Variants in CFAP299 observed in about 807,000 individuals in gnomAD.
CFAP299 encodes cilia- and flagella-associated protein 299.
A neutral mutation model predicts 27.0 loss-of-function variants in CFAP299; 21 were observed. That is an observed-to-expected ratio of 0.78 (90% confidence interval 0.55 to 1.12). The LOEUF is 1.12. Ranked by LOEUF, CFAP299 falls within the 50% of genes most tolerant of loss-of-function variation. The pLI, the probability that CFAP299 is intolerant of heterozygous loss-of-function variation, is 0.00. For synonymous variants in CFAP299, 104 were observed against 98.1 expected (o/e 1.06, Z -0.36); for missense variants, 310 against 276.6 (o/e 1.12, Z -0.86).
chr4:80,408,700 A>G (rs1203536613), intron 2 of CFAP299, among the ~76,000 whole-genome samples: 1 of 152,068 alleles, frequency 6.6e-6, no homozygotes, highest in Non-Finnish European at 1.5e-5. Context: ...GCCCTAAGTT[A>G]TGTACTGCCA....
chr4:80,403,563 T>G (rs1012965474), intron 2 of CFAP299, among the ~76,000 whole-genome samples: 1 of 152,170 alleles, frequency 6.6e-6, no homozygotes, highest in African/African-American at 2.4e-5. Flanking sequence ...GTCTGATCCA[T>G]CAGTGTATGA....
intron 2 of CFAP299, among the ~76,000 whole-genome samples, chr4:80,471,258 C>T (rs903357636): frequency 2.0e-5 from 3 of 151,858 alleles, no homozygotes; most frequent in African/African-American, 7.3e-5. Context: ...ACAGATGTAT[C>T]AGAAAATGAA....
intron 2 of CFAP299, among the ~76,000 whole-genome samples, chr4:80,390,835 ATG>A (rs1399938241): frequency 6.9e-6 from 1 of 145,646 alleles, no homozygotes; most frequent in East Asian, 2.0e-4. Context: ...ATATGTATAT[ATG>A]TATATACACA....
At chr4:80,760,931 A>T (rs1725510781) in intron 3 of CFAP299, among the ~76,000 whole-genome samples, 1 of 152,162 alleles carries the variant, frequency 6.6e-6, no homozygotes, top group Non-Finnish European at 1.5e-5. Flanking sequence ...ACAGAGTGAG[A>T]GACAGCATGT....
intron 3 of CFAP299, among the ~76,000 whole-genome samples, chr4:80,732,062 G>GACAC (rs1354639341): frequency 5.0e-5 from 7 of 139,358 alleles, no homozygotes; most frequent in African/African-American, 2.1e-4. Flanking sequence ...CAGACACACA[G>GACAC]ACACACAGAC....
chr4:80,689,316 G>C (rs1353774838), intron 3 of CFAP299, among the ~76,000 whole-genome samples: 1 of 152,142 alleles, frequency 6.6e-6, no homozygotes, highest in African/African-American at 2.4e-5. Context: ...CCCTCAAAGG[G>C]AAGCCCATCA....
chr4:80,749,898 C>G (rs1426684146), intron 3 of CFAP299, among the ~76,000 whole-genome samples: 2 of 152,218 alleles, frequency 1.3e-5, no homozygotes, highest in Admixed American at 6.6e-5. Context: ...AAGAACAATA[C>G]TTTGTATCCT....
At chr4:80,503,315 G>A (rs1025052460) in intron 2 of CFAP299, among the ~76,000 whole-genome samples, 3 of 152,014 alleles carry the variant, frequency 2.0e-5, no homozygotes, top group Non-Finnish European at 4.4e-5. Context: ...ACTCTGATTT[G>A]TTGTCTTCTA....
intron 2 of CFAP299, among the ~76,000 whole-genome samples, chr4:80,404,751 A>T (rs1726330127): frequency 6.6e-6 from 1 of 152,216 alleles, no homozygotes. Context: ...ACATAGATGT[A>T]CAAATATTTC....
chr4:80,438,351 C>G (rs1237976745), intron 2 of CFAP299, among the ~76,000 whole-genome samples: 1 of 152,180 alleles, frequency 6.6e-6, no homozygotes, highest in African/African-American at 2.4e-5. Context: ...CCTAATGTGT[C>G]TGAGGAATGG....
intron 3 of CFAP299, among the ~76,000 whole-genome samples, chr4:80,692,898 A>G (rs1288548418): frequency 6.6e-6 from 1 of 151,888 alleles, no homozygotes; most frequent in Non-Finnish European, 1.5e-5. Flanking sequence ...ACATGAACAG[A>G]CGCTTCTCAA....
chr4:80,959,057 C>T (rs936411194), intron 5 of CFAP299, among the ~76,000 whole-genome samples: 14 of 152,094 alleles, frequency 9.2e-5, no homozygotes, highest in African/African-American at 2.7e-4. Context: ...AATAATGCAA[C>T]AGACAAGGAA....
chr4:80,626,201 C>T (rs1738893665), intron 3 of CFAP299, among the ~76,000 whole-genome samples: 1 of 151,886 alleles, frequency 6.6e-6, no homozygotes, highest in Non-Finnish European at 1.5e-5. Context: ...GCTATTCTGA[C>T]CTCAATTAAT....
At position 80,770,319 on chromosome 4, in the gene CFAP299, C is replaced by T. The variant is rs553187654; in HGVS notation, c.334-99674C>T. Among the ~76,000 whole-genome samples the T allele has an allele frequency of 7.9e-5, 12 of 152,238 alleles. 1 individual carries two copies. The South Asian group carries it at 2.5e-3, about 32-fold the overall frequency. On this transcript the variant is annotated intron_variant, in intron 3 of 5. Coordinates refer to ENST00000358105, the MANE Select transcript of CFAP299 (RefSeq NM_152770.3). ...AATGAGAGGATATACGGAGCAACTC[C>T]TAATCTCTTGAAATAGCCTAAATAC...
intron 2 of CFAP299, among the ~76,000 whole-genome samples, chr4:80,447,290 T>G (rs9307689): frequency 0.83 from 119,663 of 144,064 alleles, 52,740 homozygotes; most frequent in East Asian, 0.97. Flanking sequence ...CGCCCGCCAC[T>G]ACGCCCGGCT....
intron 2 of CFAP299, among the ~76,000 whole-genome samples, chr4:80,566,982 A>G (rs1735329434): frequency 6.6e-6 from 1 of 151,438 alleles, no homozygotes; most frequent in African/African-American, 2.4e-5. Flanking sequence ...ACAATTTCTT[A>G]CGGAGAAGCC....
intron 4 of CFAP299, among the ~76,000 whole-genome samples, chr4:80,881,984 CA>C (rs1733727698): frequency 6.6e-6 from 1 of 151,848 alleles, no homozygotes; most frequent in African/African-American, 2.4e-5. Flanking sequence ...GAGGCCTCAA[CA>C]GCAGATTTTA....
At chr4:80,865,550 G>A (rs1560453552) in intron 3 of CFAP299, among the ~76,000 whole-genome samples, 3 of 152,076 alleles carry the variant, frequency 2.0e-5, no homozygotes, top group Non-Finnish European at 2.9e-5. Flanking sequence ...CTGACAATTT[G>A]TCAGCAATTA....
chr4:80,487,848 ACTT>A (rs1730905595), intron 2 of CFAP299, among the ~76,000 whole-genome samples: 1 of 152,226 alleles, frequency 6.6e-6, no homozygotes. Flanking sequence ...ATGATTCAAT[ACTT>A]CTCTCACATT....
Sources: gnomAD v4.1 joint callset for allele counts (sites outside exome capture counted in the v4.1 genomes callset) on GRCh38, gnomAD v4.1.1 for gene constraint, MANE v1.5 for transcripts, NCBI Gene and HGNC (gene_info 2026-07-23, HGNC 2026-07-21) for gene names.